The following SPSB1 variants were observed in gnomAD, a reference collection of about 807,000 sequenced individuals.
The protein encoded by SPSB1 is splA/ryanodine receptor domain and SOCS box containing 1.
SPSB1 carries 8 observed loss-of-function variants against 21.2 expected under a neutral mutation model. That is an observed-to-expected ratio of 0.38 (90% CI 0.22 to 0.68). The LOEUF is 0.68. Among genes scored for constraint, SPSB1 ranks in the 30% least tolerant of loss-of-function variants. SPSB1 has a pLI of 0.53. For synonymous variants in SPSB1, 169 were observed against 161.7 expected (o/e 1.05, Z -0.34); for missense variants, 242 against 377.8 (o/e 0.64, Z 2.98).
rs1439566235 is a variant in SPSB1 at position 9,346,654 on chromosome 1, C to G, written c.-149-9089C>G. 6.6e-6 allele frequency among the ~76,000 whole-genome samples: 1 copy of G among 152,208 alleles called. No homozygotes were observed. The highest frequency in any genetic ancestry group is 1.5e-5 in the Non-Finnish European group (1 of 68,046). On this transcript the variant is annotated intron_variant, in intron 1 of 2. Transcript: ENST00000328089. This position sits in a 1 kb window ranked among gnomAD's most constrained non-coding sequence, Gnocchi z 4.4. ...GCCGGCAGGTGCTGTGCAGTCTGGC[C>G]TGTCTCAGCCTCCCCCAGGGTCTGC...
chr1:9,362,247 C>A (rs888200687), intron 2 of SPSB1, among the ~76,000 whole-genome samples: 3 of 150,584 alleles, frequency 2.0e-5, no homozygotes, highest in Non-Finnish European at 4.4e-5. Context: ...CTATTCCCCA[C>A]ACCCTCCAGA....
intron 1 of SPSB1, among the ~76,000 whole-genome samples, chr1:9,354,574 A>C (rs1482199327): frequency 6.6e-6 from 1 of 152,066 alleles, no homozygotes; most frequent in African/African-American, 2.4e-5. Context: ...GCACTTTGGG[A>C]GGCCAAGCCG....
intron 1 of SPSB1, among the ~76,000 whole-genome samples, chr1:9,294,284 G>A (rs974889448): frequency 6.6e-6 from 1 of 151,840 alleles, no homozygotes; most frequent in Non-Finnish European, 1.5e-5. Context: ...CTGTCTCTGT[G>A]TCTGTGTCTC....
chr1:9,368,917 C>A lies in SPSB1; in HGVS notation c.*1342C>A, dbSNP rs1640620068. ...CTGGCAACCCCTCCACGTAGCGTAC[C>A]CCAGCACCTGCCACCGCCTTTGCCA... On this transcript the variant is annotated 3_prime_UTR_variant, in exon 3 of 3. Coordinates refer to ENST00000328089, the MANE Select transcript of SPSB1 (RefSeq NM_025106.4). The A allele has an allele frequency of 6.6e-6, 1 of 152,660 alleles. No homozygotes were observed. The highest frequency in any genetic ancestry group is 1.9e-4 in the East Asian group (1 of 5,170). 9.5% of individuals were successfully genotyped at this position (152,660 alleles called of 1,614,324 possible).
At chr1:9,300,909 C>T (rs1639317552) in intron 1 of SPSB1, among the ~76,000 whole-genome samples, 1 of 152,208 alleles carries the variant, frequency 6.6e-6, no homozygotes, top group Non-Finnish European at 1.5e-5. Context: ...CTTAGTCAGC[C>T]TGGTTTGCAG....
chr1:9,367,559 A>C lies in SPSB1; in HGVS notation c.806A>C (p.Tyr269Ser), dbSNP rs1569672290. ...TLPLPASLKA[Y>S]LLYQ ...CCGCTGCCGGCTTCCCTCAAGGCCT[A>C]CCTCCTCTACCAGTGACGTTCGCCA... Residue 269 changes from tyrosine (Y) to serine (S), a missense_variant, in exon 3 of 3, where the codon TAC becomes TCC. By Grantham distance (144) the Tyr-to-Ser change is moderately radical. Coordinates refer to ENST00000328089, the MANE Select transcript of SPSB1 (RefSeq NM_025106.4). This position sits in a 1 kb window ranked among gnomAD's most constrained non-coding sequence, Gnocchi z 5.9. 1 of 1,610,080 alleles carries C rather than the reference A, an allele frequency of 6.2e-7. No individual in the cohort carries two copies. The highest frequency in any genetic ancestry group is 8.5e-7 in the Non-Finnish European group (1 of 1,177,946).
At chr1:9,357,121 A>G (rs112871283) in intron 2 of SPSB1, among the ~76,000 whole-genome samples, 2 of 125,412 alleles carry the variant, frequency 1.6e-5, no homozygotes, top group Non-Finnish European at 1.7e-5. Context: ...GAGTGGATGG[A>G]TGGATGGATG....
At chr1:9,325,431 T>C (rs1639802325) in intron 1 of SPSB1, among the ~76,000 whole-genome samples, 3 of 152,094 alleles carry the variant, frequency 2.0e-5, no homozygotes, top group South Asian at 2.1e-4. Flanking sequence ...GAAGGTTCCA[T>C]AGCAGGTCTG....
intron 2 of SPSB1, among the ~76,000 whole-genome samples, chr1:9,358,768 T>G (rs994647014): frequency 3.3e-5 from 5 of 152,144 alleles, no homozygotes; most frequent in African/African-American, 4.8e-5. Context: ...ACATGCCCCC[T>G]GATGCTGTCA....
intron 1 of SPSB1, among the ~76,000 whole-genome samples, chr1:9,312,996 G>A (rs540775593): frequency 2.0e-5 from 3 of 152,210 alleles, no homozygotes; most frequent in Non-Finnish European, 4.4e-5. Flanking sequence ...TGCTTGCTCT[G>A]TGCCTGGCAC....
At chr1:9,358,891 C>T (rs1305592913) in intron 2 of SPSB1, among the ~76,000 whole-genome samples, 1 of 152,178 alleles carries the variant, frequency 6.6e-6, no homozygotes, top group Non-Finnish European at 1.5e-5. Flanking sequence ...AGGGTTCCGC[C>T]CACCCAGTCC....
rs548289646 is a variant in SPSB1, at chr1:9,327,176, G to A, written c.-149-28567G>A. Reference sequence around the variant, plus strand: ...CCCAGGATGGCCCTCTAAGCCCACGGCCTCCACAGTGGCCACTCATACGAT... The same window carrying A: ...CCCAGGATGGCCCTCTAAGCCCACGACCTCCACAGTGGCCACTCATACGAT... On this transcript the variant is annotated intron_variant, in intron 1 of 2. Coordinates refer to ENST00000328089, the MANE Select transcript of SPSB1 (RefSeq NM_025106.4). 3.2e-4 allele frequency among the ~76,000 whole-genome samples: 49 copies of A among 152,264 alleles called. No individual in the cohort carries two copies. In the East Asian group the frequency reaches 8.9e-3, roughly 28 times the overall value.
intron 1 of SPSB1, among the ~76,000 whole-genome samples, chr1:9,328,096 C>G (rs1288349704): frequency 6.6e-6 from 1 of 152,204 alleles, no homozygotes; most frequent in African/African-American, 2.4e-5. Context: ...ATGAACAGCC[C>G]CTTACCTCAC....
At chr1:9,347,556 A>T (rs1404989561) in intron 1 of SPSB1, among the ~76,000 whole-genome samples, 3 of 152,192 alleles carry the variant, frequency 2.0e-5, no homozygotes, top group Non-Finnish European at 4.4e-5. Context: ...AATCTTTTTA[A>T]ATTCTGTTCT....
At chr1:9,303,909 C>T (rs1426375176) in intron 1 of SPSB1, among the ~76,000 whole-genome samples, 1 of 152,206 alleles carries the variant, frequency 6.6e-6, no homozygotes, top group Non-Finnish European at 1.5e-5. Flanking sequence ...ACACACTGAG[C>T]CCATCCCTTT....
In SPSB1 at chr1:9,322,240, C is replaced by T. The variant is rs532367332; in HGVS notation, c.-150+29169C>T. Among the ~76,000 whole-genome samples the T allele has an allele frequency of 3.3e-5, 5 of 152,242 alleles. No individual in the cohort carries two copies. The South Asian group carries it at 1.0e-3, about 32-fold the overall frequency. On this transcript the variant is annotated intron_variant, in intron 1 of 2. Transcript: ENST00000328089. ...AGGCTGAGTAGAGTACCAGCATCGT[C>T]TCCTCTAATCCCCACATCATCCCAG...
intron 1 of SPSB1, among the ~76,000 whole-genome samples, chr1:9,338,560 C>A (rs72643830): frequency 6.6e-6 from 1 of 152,150 alleles, no homozygotes; most frequent in Non-Finnish European, 1.5e-5. Context: ...AGTATACTTT[C>A]TTCTTTGCTG....
At chr1:9,340,681 G>A (rs576535932) in intron 1 of SPSB1, among the ~76,000 whole-genome samples, 56 of 152,346 alleles carry the variant, frequency 3.7e-4, no homozygotes, top group African/African-American at 1.2e-3. Context: ...TGATGTGGCC[G>A]GCCTTCCCTG....
chr1:9,337,132 A>G (rs1569620947), intron 1 of SPSB1, among the ~76,000 whole-genome samples: 1 of 152,074 alleles, frequency 6.6e-6, no homozygotes, highest in Non-Finnish European at 1.5e-5. Flanking sequence ...AGGGGCCTAC[A>G]TGAGAGGGGA....
Sources: allele counts gnomAD v4.1 joint callset (sites outside exome capture counted in the v4.1 genomes callset), GRCh38; gene constraint gnomAD v4.1.1; non-coding constraint Gnocchi (gnomAD v3.1); transcripts MANE v1.5; gene names NCBI Gene and HGNC (gene_info 2026-07-23, HGNC 2026-07-21).